The following DCLRE1C variants were observed in gnomAD, a reference collection of about 807,000 sequenced individuals.
The protein encoded by DCLRE1C is protein artemis.
In DCLRE1C, 47 loss-of-function variants were observed where a neutral mutation model predicts 61.4. The observed-to-expected ratio is 0.77, with a 90% confidence interval of 0.61 to 0.98. The LOEUF (loss-of-function observed/expected upper bound fraction) is 0.98. DCLRE1C is among the 50% of genes least tolerant of loss of function. DCLRE1C has a pLI of 0.00. For missense variants in DCLRE1C, 858 were observed against 816.0 expected, an observed-to-expected ratio of 1.05 and a Z score of -0.63; for synonymous variants, 337 against 287.6, an observed-to-expected ratio of 1.17 and a Z score of -1.74.
chr10:14,901,082 G>A (rs1304258316), downstream of DCLRE1C: 23 of 1,589,992 alleles, frequency 1.4e-5, no homozygotes, highest in Non-Finnish European at 2.0e-5. Context: ...GCATGTAGAA[G>A]GGCTTGTTTA....
intron 9 of DCLRE1C, among the ~76,000 whole-genome samples, chr10:14,928,433 A>G (rs1279861863): frequency 2.0e-5 from 3 of 152,176 alleles, no homozygotes; most frequent in Non-Finnish European, 4.4e-5. Flanking sequence ...TTTAGACCTG[A>G]CTGAACGCAA....
intron 10 of DCLRE1C, among the ~76,000 whole-genome samples, chr10:14,927,495 C>T (rs927723449): frequency 5.4e-5 from 8 of 148,420 alleles, no homozygotes; most frequent in African/African-American, 2.0e-4. Flanking sequence ...ATAGTCACTC[C>T]TCTATTCCAC....
Position 14,954,052 on chromosome 10 carries a change from T to G in DCLRE1C, c.-42A>C, listed in dbSNP as rs766998490. ...GAGTCCGGGACCCCAAAACCGCAGCTGAAGCCAAGGCCAGCCCTGACCGCG... is the reference window on the plus strand; with the variant it reads ...GAGTCCGGGACCCCAAAACCGCAGCGGAAGCCAAGGCCAGCCCTGACCGCG... On this transcript the variant is annotated 5_prime_UTR_variant, in exon 1 of 14. Transcript: ENST00000378278. The G allele has an allele frequency of 1.2e-6, 2 of 1,612,394 alleles. No homozygotes were observed. Among genetic ancestry groups the G allele is most frequent in the Non-Finnish European group, 1.7e-6 (2 of 1,179,706 alleles).
chr10:14,921,992 C>G (rs1249101167), intron 12 of DCLRE1C, among the ~76,000 whole-genome samples: 1 of 152,246 alleles, frequency 6.6e-6, no homozygotes. Flanking sequence ...GAAGCAGATT[C>G]CCTGACACGG....
downstream of DCLRE1C, chr10:14,902,329 A>C (rs1384981887): frequency 1.0e-5 from 10 of 989,774 alleles, no homozygotes; most frequent in African/African-American, 1.6e-5. Flanking sequence ...AATAAAGCTA[A>C]TATAATAGAA....
At chr10:14,936,300 A>G (rs1839897761) in intron 5 of DCLRE1C, among the ~76,000 whole-genome samples, 1 of 151,426 alleles carries the variant, frequency 6.6e-6, no homozygotes, top group Admixed American at 6.6e-5. Context: ...AAAAAAATCA[A>G]ATCTCCCTCT....
chr10:14,929,478 C>A (rs1250169110), intron 9 of DCLRE1C, among the ~76,000 whole-genome samples: 1 of 144,574 alleles, frequency 6.9e-6, no homozygotes, highest in African/African-American at 2.6e-5. Context: ...TCCATCTCTA[C>A]AAAAAAATGT....
chr10:14,938,505 G>A (rs1464292742), intron 4 of DCLRE1C, among the ~76,000 whole-genome samples: 1 of 152,026 alleles, frequency 6.6e-6, no homozygotes, highest in Non-Finnish European at 1.5e-5. Flanking sequence ...CACCCTCAAA[G>A]TTAAACACGG....
At chr10:14,944,736 G>A (rs887428544) in intron 3 of DCLRE1C, among the ~76,000 whole-genome samples, 2 of 142,450 alleles carry the variant, frequency 1.4e-5, no homozygotes, top group Non-Finnish European at 3.0e-5. Flanking sequence ...GTGCAGTGGC[G>A]TGATCTCAGC....
downstream of DCLRE1C, chr10:14,903,962 T>A (rs1834186690): frequency 6.6e-6 from 1 of 152,166 alleles, no homozygotes; most frequent in Non-Finnish European, 1.5e-5. Flanking sequence ...ATATATAGGA[T>A]AAATTGTTTA....
In DCLRE1C at chr10:14,907,857, C is replaced by CTTTTTTT. The variant is rs60410513; in HGVS notation, c.*544_*550dup. 8 of 71,948 alleles carry CTTTTTTT rather than the reference C, an allele frequency of 1.1e-4. 1 individual carries two copies. Among genetic ancestry groups the CTTTTTTT allele is most frequent in the African/African-American group, 1.6e-4 (3 of 18,240 alleles). The allele number at this position is 71,948 out of a possible 1,614,324, so 4.5% of individuals were successfully genotyped here. ...GGGTTTAGTTCTACCATTTTTTTTT[C>CTTTTTTT]TTTTTTTTTTTTTTTTTTTTTGAGA... On this transcript the variant is annotated 3_prime_UTR_variant, in exon 14 of 14. Coordinates refer to ENST00000378278, the MANE Select transcript of DCLRE1C (RefSeq NM_001033855.3).
chr10:14,899,993 TAA>T (rs1833886646), downstream of DCLRE1C, among the ~76,000 whole-genome samples: 2 of 152,184 alleles, frequency 1.3e-5, no homozygotes, highest in African/African-American at 4.8e-5. Context: ...GCAGAGCAAT[TAA>T]GAGGTAAAAT....
chr10:14,935,662 T>A, intron 5 of DCLRE1C, 98 bp from the exon 6 acceptor site: 1 of 1,168,502 alleles, frequency 8.6e-7, no homozygotes, highest in Admixed American at 1.7e-5. Context: ...CCTGCAAACA[T>A]ATCCATTACA....
chr10:14,947,140 A>T (rs906840455), intron 2 of DCLRE1C, among the ~76,000 whole-genome samples: 1 of 152,100 alleles, frequency 6.6e-6, no homozygotes, highest in Admixed American at 6.6e-5. Context: ...TGAACCTGGG[A>T]GGCAGAGATT....
intron 3 of DCLRE1C, among the ~76,000 whole-genome samples, chr10:14,943,932 A>T (rs578078776): frequency 1.3e-5 from 2 of 152,262 alleles, no homozygotes; most frequent in East Asian, 3.9e-4. Context: ...ATAGTCATAT[A>T]TAATTGGACT....
chr10:14,952,720 AAAAG>A (rs2131218993), intron 1 of DCLRE1C, among the ~76,000 whole-genome samples: 1 of 152,308 alleles, frequency 6.6e-6, no homozygotes, highest in East Asian at 1.9e-4. Flanking sequence ...AAAAAAAAGA[AAAAG>A]AAGAAGGAGA....
chr10:14,952,731 G>A (rs968739377), intron 1 of DCLRE1C, among the ~76,000 whole-genome samples: 21 of 152,232 alleles, frequency 1.4e-4, no homozygotes, highest in African/African-American at 5.1e-4. Context: ...AAAGAAGAAG[G>A]AGATGCTCAA....
upstream of DCLRE1C, chr10:14,954,157 A>G: frequency 1.4e-6 from 2 of 1,397,920 alleles, no homozygotes; most frequent in Non-Finnish European, 2.0e-6. Context: ...GAGTCCGGAG[A>G]CCGGGGGCAA....
intron 9 of DCLRE1C, among the ~76,000 whole-genome samples, chr10:14,931,776 T>C (rs962376988): frequency 3.9e-5 from 6 of 152,210 alleles, no homozygotes; most frequent in Non-Finnish European, 7.3e-5. Context: ...CAGTGGCTCA[T>C]GCCTGTAATC....
Sources: allele counts gnomAD v4.1 joint callset (sites outside exome capture counted in the v4.1 genomes callset), GRCh38; gene constraint gnomAD v4.1.1; transcripts MANE v1.5; gene names NCBI Gene and HGNC (gene_info 2026-07-23, HGNC 2026-07-21).